CTAGE1: variants seen among roughly 807,000 people sequenced by gnomAD.
The protein encoded by CTAGE1 is cutaneous T cell lymphoma-associated antigen 1, also known as cTAGE family member 2.
For synonymous variants in CTAGE1, 332 were observed against 302.8 expected (o/e 1.10, Z -1.00); for missense variants, 963 against 855.9 (o/e 1.13, Z -1.56).
chr18:22,416,313 G>T lies in CTAGE1; in HGVS notation c.1499C>A (p.Thr500Lys). 1 of 1,613,960 alleles carries T rather than the reference G, an allele frequency of 6.2e-7. No individual in the cohort carries two copies. The highest frequency in any genetic ancestry group is 2.2e-5 in the East Asian group (1 of 44,874). The stretch of plus-strand genomic sequence containing the variant: ...AGTTGGAGGATAGAGAGAAGCTCTC[G>T]TTTCAGATGAAGGCCAACCCAATGG... ...PSPLGWPSSE[T>K]RASLYPPTLL... The change falls in exon 1 of 1, where the codon ACG (threonine) becomes AAG (lysine). Residue 500 changes from threonine to lysine, a missense_variant. Thr to Lys is a moderately conservative substitution (Grantham distance 78). Transcript: ENST00000391403.
Position 22,414,524 on chromosome 18 carries a change from A to C in CTAGE1, c.*1050T>G, listed in dbSNP as rs2034985382. The C allele has an allele frequency of 1.7e-6, 1 of 594,386 alleles. No homozygotes were observed. The highest frequency in any genetic ancestry group is 2.2e-5 in the South Asian group (1 of 46,300). The allele number at this position is 594,386 out of a possible 1,614,324, so 36.8% of individuals were successfully genotyped here. ...CCCAGCTTGCATGAAGGACTAATCC[A>C]AAATTTGAGGGCGTCTCTCAGGGAA... On this transcript the variant is annotated 3_prime_UTR_variant, in exon 1 of 1. Transcript: ENST00000391403.
In CTAGE1 at chr18:22,414,854, T is replaced by G; in HGVS notation, c.*720A>C. 1 of 697,446 alleles carries G rather than the reference T, an allele frequency of 1.4e-6. No individual in the cohort carries two copies. The highest frequency in any genetic ancestry group is 2.6e-6 in the Non-Finnish European group (1 of 383,600). 43.2% of individuals were successfully genotyped at this position (697,446 alleles called of 1,614,324 possible). On this transcript the variant is annotated 3_prime_UTR_variant, in exon 1 of 1. Transcript: ENST00000391403. ...TTATGTAATGATATGATGACAAACA[T>G]AGGAAGAAATTAGCTTAGGGAAGAC...
At position 22,416,374 on chromosome 18, in the gene CTAGE1, C is replaced by T. The variant is rs778667385; in HGVS notation, c.1438G>A (p.Ala480Thr). ...TATGGGGAATGCTGTCTGCCAAATGCTGTATTTGGAACATCAAGTCCATAA... is the reference window on the plus strand; with the variant it reads ...TATGGGGAATGCTGTCTGCCAAATGTTGTATTTGGAACATCAAGTCCATAA... ...DPYGLDVPNT[A>T]FGRQHSPYGP... is the part of the protein sequence containing the mutation. Residue 480 changes from alanine to threonine, a missense_variant, in exon 1 of 1, where the codon GCA becomes ACA. Transcript: ENST00000391403. The T allele has an allele frequency of 9.3e-6, 15 of 1,613,826 alleles. No homozygotes were observed. The South Asian group carries it at 1.6e-4, about 18-fold the overall frequency.
rs772552839 is a variant in CTAGE1, at chr18:22,417,209, T to C, written c.603A>G (p.Val201=). 6.2e-7 allele frequency: 1 copy of C among 1,613,978 alleles called. No homozygotes were observed. The change falls in exon 1 of 1, where the codon GTA becomes GTG. Residue 201 remains valine (V), a synonymous_variant. Transcript: ENST00000391403. ...SQKQLLQEAE[V]WKEQVSELIK... is the part of the protein sequence containing the mutation. ...TAAGTTCACTCACTTGTTCTTTCCATACTTCAGCTTCTTGCAAAAGCTGTT... is the reference window on the plus strand; with the variant it reads ...TAAGTTCACTCACTTGTTCTTTCCACACTTCAGCTTCTTGCAAAAGCTGTT...
Position 22,414,982 on chromosome 18 carries a change from A to T in CTAGE1, c.*592T>A. On this transcript the variant is annotated 3_prime_UTR_variant, in exon 1 of 1. Transcript: ENST00000391403. The stretch of plus-strand genomic sequence containing the variant: ...TTTTACACTCTCAAAGTACTGAAAG[A>T]GGATATAAAATCTATAAGACAGGAG... The T allele has an allele frequency of 1.7e-6, 1 of 595,410 alleles. No individual in the cohort carries two copies. Among genetic ancestry groups the T allele is most frequent in the African/African-American group, 1.9e-5 (1 of 53,924 alleles). The allele number at this position is 595,410 out of a possible 1,614,324, so 36.9% of individuals were successfully genotyped here. A position where few individuals can be genotyped will look rare whatever the true frequency, so the allele number is the denominator to read the frequency against.
chr18:22,414,782 A>T lies in CTAGE1; in HGVS notation c.*792T>A. 1 of 702,918 alleles carries T rather than the reference A, an allele frequency of 1.4e-6. No homozygotes were observed. The highest frequency in any genetic ancestry group is 2.6e-6 in the Non-Finnish European group (1 of 384,996). The allele number at this position is 702,918 out of a possible 1,614,324, so 43.5% of individuals were successfully genotyped here. On this transcript the variant is annotated 3_prime_UTR_variant, in exon 1 of 1. Coordinates refer to ENST00000391403, the MANE Select transcript of CTAGE1 (RefSeq NM_172241.3). ...TGGGGCAAGTAAAAGTTCTGGATAA[A>T]GTTGTTCCCACCAAATAAAAATAAA...
rs200043127 is a variant in CTAGE1, at chr18:22,416,037, C to T, written c.1775G>A (p.Arg592Lys). 254 of 1,613,928 alleles carry T rather than the reference C, an allele frequency of 1.6e-4. 1 individual carries two copies. The African/African-American group carries it at 2.8e-3, about 18-fold the overall frequency. ...ACAATTAGAATAAAATCTGTCTTGC[C>T]TTTGTGGAGGGAGAGCTGAATCAGG... The part of the protein sequence containing the change: ...SYPDSALPPQ[R>K]QDRFYSNCAR... The change falls in exon 1 of 1, where the codon AGG becomes AAG. Residue 592 changes from arginine to lysine, a missense_variant. By Grantham distance (26) the Arg-to-Lys change is conservative (BLOSUM62 2). Coordinates refer to ENST00000391403, the MANE Select transcript of CTAGE1 (RefSeq NM_172241.3).
Position 22,415,954 on chromosome 18 carries a change from T to C in CTAGE1, c.1858A>G (p.Met620Val), listed in dbSNP as rs2035007438. ...ATTTCTGAAGGCATTGACCCATCCA[T>C]TTTATCCAAAGAAGGCATATTAAAA... is the stretch of plus-strand genomic sequence containing the variant. ...RSFNMPSLDK[M>V]DGSMPSEMES... The change falls in exon 1 of 1, where the codon ATG becomes GTG. Residue 620 changes from methionine to valine, a missense_variant. Met to Val is a conservative substitution (Grantham distance 21). Transcript: ENST00000391403. 3.1e-6 allele frequency: 5 copies of C among 1,613,986 alleles called. No individual in the cohort carries two copies. The highest frequency in any genetic ancestry group is 3.4e-6 in the Non-Finnish European group (4 of 1,179,870).
chr18:22,417,261 T>G lies in CTAGE1; in HGVS notation c.551A>C (p.Glu184Ala). 1 of 1,613,972 alleles carries G rather than the reference T, an allele frequency of 6.2e-7. No individual in the cohort carries two copies. The highest frequency in any genetic ancestry group is 8.5e-7 in the Non-Finnish European group (1 of 1,179,856). The change falls in exon 1 of 1, where the codon GAA (glutamate) becomes GCA (alanine). Residue 184 changes from glutamate (E) to alanine (A), a missense_variant. Coordinates refer to ENST00000391403, the MANE Select transcript of CTAGE1 (RefSeq NM_172241.3). ...CTGGCTTTCCTGAAGTTCAGAATTT[T>G]CTTTCCAAGCATCTTGTATTTCTAT... ...LEIEIQDAWKENSELQESQKQ... is the reference protein window; with the variant it reads ...LEIEIQDAWKANSELQESQKQ...
In CTAGE1 at chr18:22,417,331, T is replaced by C; in HGVS notation, c.481A>G (p.Lys161Glu). The C allele has an allele frequency of 1.9e-6, 3 of 1,614,026 alleles. No individual in the cohort carries two copies. The highest frequency in any genetic ancestry group is 2.5e-6 in the Non-Finnish European group (3 of 1,179,868). The change falls in exon 1 of 1, where the codon AAA (lysine) becomes GAA (glutamate). Residue 161 changes from lysine to glutamate, a missense_variant. By Grantham distance (56) the Lys-to-Glu change is moderately conservative. Coordinates refer to ENST00000391403, the MANE Select transcript of CTAGE1 (RefSeq NM_172241.3). ...GCTTGAAATCTCTTGAAGGTCATTT[T>C]GGCTTCAGCTACTTGTGATTTGAGG... ...KSLKSQVAEA[K>E]MTFKRFQANE...
rs775921235 is a variant in CTAGE1, at chr18:22,414,596, A to G, written c.*978T>C. 4 of 682,650 alleles carry G rather than the reference A, an allele frequency of 5.9e-6. No homozygotes were observed. Among genetic ancestry groups the G allele is most frequent in the South Asian group, 3.2e-5 (2 of 63,054 alleles). The allele number at this position is 682,650 out of a possible 1,614,324, so 42.3% of individuals were successfully genotyped here. A position where few individuals can be genotyped will look rare whatever the true frequency, so the allele number is the denominator to read the frequency against. ...ACAGAATTCCAGAGAAGAGAGCTCA[A>G]TCAGAGATCAAATTCACCAACTGCA... On this transcript the variant is annotated 3_prime_UTR_variant, in exon 1 of 1. Coordinates refer to ENST00000391403, the MANE Select transcript of CTAGE1 (RefSeq NM_172241.3).
chr18:22,414,655 T>C lies in CTAGE1; in HGVS notation c.*919A>G, dbSNP rs568389124. On this transcript the variant is annotated 3_prime_UTR_variant, in exon 1 of 1. Coordinates refer to ENST00000391403, the MANE Select transcript of CTAGE1 (RefSeq NM_172241.3). Reference sequence around the variant, plus strand: ...CTATCTTAGATTTACTCCTTCCCCTTGCCACAGCAAGAGAAAAGCAGAACA... The same window carrying C: ...CTATCTTAGATTTACTCCTTCCCCTCGCCACAGCAAGAGAAAAGCAGAACA... 2 of 702,420 alleles carry C rather than the reference T, an allele frequency of 2.8e-6. No homozygotes were observed. The highest frequency in any genetic ancestry group is 3.0e-5 in the South Asian group (2 of 67,308). The allele number at this position is 702,420 out of a possible 1,614,324, so 43.5% of individuals were successfully genotyped here. A position where few individuals can be genotyped will look rare whatever the true frequency, so the allele number is the denominator to read the frequency against.
In CTAGE1 at chr18:22,414,453, T is replaced by G. The variant is rs1027330212; in HGVS notation, c.*1121A>C. 2.9e-5 allele frequency: 16 copies of G among 555,958 alleles called. No homozygotes were observed. The highest frequency in any genetic ancestry group is 5.1e-5 in the Non-Finnish European group (16 of 315,572). 34.4% of individuals were successfully genotyped at this position (555,958 alleles called of 1,614,324 possible). On this transcript the variant is annotated 3_prime_UTR_variant, in exon 1 of 1. Coordinates refer to ENST00000391403, the MANE Select transcript of CTAGE1 (RefSeq NM_172241.3). ...GAGGCATGTGAGCTAGGATGCTTTT[T>G]AAAAGTGAGGGCAGGTTGTCCCCAA...
chr18:22,414,809 C>T lies in CTAGE1; in HGVS notation c.*765G>A, dbSNP rs867810661. On this transcript the variant is annotated 3_prime_UTR_variant, in exon 1 of 1. Transcript: ENST00000391403. ...TTGTTCCCACCAAATAAAAATAAAA[C>T]AAAAGAAATAACAACACAATTATGT... The T allele has an allele frequency of 1.1e-5, 8 of 702,160 alleles. No individual in the cohort carries two copies. The highest frequency in any genetic ancestry group is 1.8e-5 in the Non-Finnish European group (7 of 384,800). 43.5% of individuals were successfully genotyped at this position (702,160 alleles called of 1,614,324 possible).
Position 22,416,321 on chromosome 18 carries a change from T to G in CTAGE1, c.1491A>C (p.Ser497=), listed in dbSNP as rs1375960586. Reference sequence around the variant, plus strand: ...GATAGAGAGAAGCTCTCGTTTCAGATGAAGGCCAACCCAATGGTGAGGGAC... The same window carrying G: ...GATAGAGAGAAGCTCTCGTTTCAGAGGAAGGCCAACCCAATGGTGAGGGAC... ...PYGPSPLGWP[S]SETRASLYPP... is the part of the protein sequence containing the mutation. The change falls in exon 1 of 1, where the codon TCA becomes TCC. Residue 497 remains serine, a synonymous_variant. Coordinates refer to ENST00000391403, the MANE Select transcript of CTAGE1 (RefSeq NM_172241.3). The G allele has an allele frequency of 6.2e-7, 1 of 1,613,976 alleles. No homozygotes were observed.
rs1200065924 is a variant in CTAGE1 at position 22,415,257 on chromosome 18, T to C, written c.*317A>G. On this transcript the variant is annotated 3_prime_UTR_variant, in exon 1 of 1. Transcript: ENST00000391403. ...TATATAAAGCTCCCACCATTCTTTA[T>C]ATAATAGTGGATTAATCAAATTAAA... is the stretch of plus-strand genomic sequence containing the variant. 7.2e-6 allele frequency: 2 copies of C among 276,882 alleles called. No individual in the cohort carries two copies. Among genetic ancestry groups the C allele is most frequent in the Admixed American group, 4.7e-5 (1 of 21,442 alleles). 17.2% of individuals were successfully genotyped at this position (276,882 alleles called of 1,614,324 possible).
Position 22,416,937 on chromosome 18 carries a change from A to G in CTAGE1, c.875T>C (p.Leu292Ser). 6.2e-7 allele frequency: 1 copy of G among 1,614,042 alleles called. No homozygotes were observed. Among genetic ancestry groups the G allele is most frequent in the South Asian group, 1.1e-5 (1 of 91,076 alleles). ...ALKKLIHAAK[L>S]NASLKTLEGE... Reference sequence around the variant, plus strand: ...TTCTAAGGTTTTTAAGGAAGCATTTAACTTAGCAGCATGAATCAGTTTCTT... The same window carrying G: ...TTCTAAGGTTTTTAAGGAAGCATTTGACTTAGCAGCATGAATCAGTTTCTT... The change falls in exon 1 of 1, where the codon TTA becomes TCA. Residue 292 changes from leucine (L) to serine (S), a missense_variant. Coordinates refer to ENST00000391403, the MANE Select transcript of CTAGE1 (RefSeq NM_172241.3).
rs1260236899 is a variant in CTAGE1, at chr18:22,413,922, A to G, written c.*1652T>C. 1 of 152,216 alleles carries G rather than the reference A, an allele frequency of 6.6e-6. No homozygotes were observed. Among genetic ancestry groups the G allele is most frequent in the Non-Finnish European group, 1.5e-5 (1 of 68,038 alleles). 9.4% of individuals were successfully genotyped at this position (152,216 alleles called of 1,614,324 possible). ...TAACTTTGGAAGTATCTAGAAATGC[A>G]AGACTGTGGAAATGGATGCCTGGCT... On this transcript the variant is annotated 3_prime_UTR_variant, in exon 1 of 1. Transcript: ENST00000391403.
rs941517751 is a variant in CTAGE1, at chr18:22,415,507, G to T, written c.*67C>A. Reference sequence around the variant, plus strand: ...ACATGTTGTTAGGTTTCTTGCTGTCGTTCTGGATGTTCAGCAGCAGGCTCA... The same window carrying T: ...ACATGTTGTTAGGTTTCTTGCTGTCTTTCTGGATGTTCAGCAGCAGGCTCA... On this transcript the variant is annotated 3_prime_UTR_variant, in exon 1 of 1. Coordinates refer to ENST00000391403, the MANE Select transcript of CTAGE1 (RefSeq NM_172241.3). The T allele has an allele frequency of 7.7e-7, 1 of 1,301,076 alleles. No individual in the cohort carries two copies. The highest frequency in any genetic ancestry group is 1.1e-6 in the Non-Finnish European group (1 of 935,742). The allele number at this position is 1,301,076 out of a possible 1,614,324, so 80.6% of individuals were successfully genotyped here. A position where few individuals can be genotyped will look rare whatever the true frequency, so the allele number is the denominator to read the frequency against.
Sources: allele counts gnomAD v4.1 joint callset, GRCh38; gene constraint gnomAD v4.1.1; transcripts MANE v1.5; gene names NCBI Gene and HGNC (gene_info 2026-07-23, HGNC 2026-07-21).